Variants in PYGO1 observed in about 807,000 individuals in gnomAD.
The protein encoded by PYGO1 is pygopus homolog 1.
PYGO1 carries 6 observed loss-of-function variants against 29.5 expected under a neutral mutation model. The observed-to-expected ratio is 0.20, with a 90% confidence interval of 0.11 to 0.40. PYGO1 has a LOEUF of 0.40. PYGO1 is among the 10% of genes least tolerant of loss of function. PYGO1 has a pLI of 1.00. For missense variants in PYGO1, 515 were observed against 514.9 expected, an observed-to-expected ratio of 1.00 and a Z score of 0.00; for synonymous variants, 186 against 180.5, an observed-to-expected ratio of 1.03 and a Z score of -0.24.
At chr15:55,552,258 G>C (rs1381535524) in intron 1 of PYGO1, among the ~76,000 whole-genome samples, 1 of 151,152 alleles carries the variant, frequency 6.6e-6, no homozygotes, top group Non-Finnish European at 1.5e-5. Context: ...GGGAGGCTAA[G>C]GCAGGGAGAA....
rs1008630185 is a variant in PYGO1, at chr15:55,571,823, A to G, written c.49+16012T>C. Among the ~76,000 whole-genome samples, 5 of 151,978 alleles carry G rather than the reference A, an allele frequency of 3.3e-5. No individual in the cohort carries two copies. In the South Asian group the frequency reaches 8.3e-4, roughly 25 times the overall value. On this transcript the variant is annotated intron_variant, in intron 1 of 2. Transcript: ENST00000563719. ...CAATTTTTTGAGGAACCATCAAGCT[A>G]TTTTTTCGTAATATGGCCATATTTT...
chr15:55,584,754 TG>T, intron 1 of PYGO1, among the ~76,000 whole-genome samples: 1 of 152,174 alleles, frequency 6.6e-6, no homozygotes, highest in Non-Finnish European at 1.5e-5. Context: ...GGTGAAGGTT[TG>T]GGGGTGGAGT....
intron 1 of PYGO1, among the ~76,000 whole-genome samples, chr15:55,568,318 T>G (rs1418809954): frequency 1.4e-5 from 1 of 69,254 alleles, no homozygotes; most frequent in Non-Finnish European, 2.7e-5. Context: ...ATTTCCTAGG[T>G]ACTGTGTGTG....
In PYGO1 at chr15:55,548,954, G is replaced by C; in HGVS notation, c.91C>G (p.Gln31Glu). The C allele has an allele frequency of 6.2e-7, 1 of 1,611,090 alleles. No individual in the cohort carries two copies. Among genetic ancestry groups the C allele is most frequent in the Non-Finnish European group, 8.5e-7 (1 of 1,178,996 alleles). The change falls in exon 2 of 3, where the codon CAA (glutamine) becomes GAA (glutamate). Residue 31 changes from glutamine (Q) to glutamate (E), a missense_variant. Coordinates refer to ENST00000563719, the MANE Select transcript of PYGO1 (RefSeq NM_001367806.1). ...TTTTTCTTATCTGGGCTTCCTAGTT[G>C]TACACCTGGTCCTCCTAACCCATCC... Reference protein sequence around the residue: ...GLDGLGGPGVQLGSPDKKKRK... With the variant: ...GLDGLGGPGVELGSPDKKKRK...
upstream of PYGO1, among the ~76,000 whole-genome samples, chr15:55,588,537 C>T (rs996449048): frequency 4.8e-5 from 7 of 147,122 alleles, no homozygotes; most frequent in Non-Finnish European, 9.1e-5. Context: ...CTCGGCCCAG[C>T]CCCCACGGCC....
chr15:55,555,154 T>C (rs539322685), intron 1 of PYGO1, among the ~76,000 whole-genome samples: 1 of 151,874 alleles, frequency 6.6e-6, no homozygotes, highest in Non-Finnish European at 1.5e-5. Context: ...AGACTAACAG[T>C]AGACCTCTCA....
chr15:55,565,786 T>C (rs998877882), intron 1 of PYGO1, among the ~76,000 whole-genome samples: 17 of 152,076 alleles, frequency 1.1e-4, no homozygotes, highest in Non-Finnish European at 5.9e-5. Flanking sequence ...CCTTTGCCAT[T>C]TTTTCTTTTC....
intron 1 of PYGO1, among the ~76,000 whole-genome samples, chr15:55,584,201 C>T (rs28510232): frequency 0.045 from 6,715 of 150,180 alleles, 508 homozygotes; most frequent in African/African-American, 0.16. Flanking sequence ...ACTGCAGCCT[C>T]AACCTCCCTG....
intron 1 of PYGO1, among the ~76,000 whole-genome samples, chr15:55,561,627 T>C (rs552679772): frequency 6.6e-6 from 1 of 152,084 alleles, no homozygotes; most frequent in South Asian, 2.1e-4. Context: ...ATACCTGGGG[T>C]TTACAATTCA....
At chr15:55,568,511 T>C (rs1358293590) in intron 1 of PYGO1, among the ~76,000 whole-genome samples, 2 of 152,124 alleles carry the variant, frequency 1.3e-5, no homozygotes, top group East Asian at 3.8e-4. Context: ...GTGGAGTCCT[T>C]AGGGTGTTGT....
At chr15:55,556,744 T>C (rs1029663128) in intron 1 of PYGO1, among the ~76,000 whole-genome samples, 10 of 148,654 alleles carry the variant, frequency 6.7e-5, no homozygotes, top group Non-Finnish European at 1.5e-4. Context: ...TAAAAGAGAC[T>C]GCTAGCTAGA....
intron 1 of PYGO1, among the ~76,000 whole-genome samples, chr15:55,581,002 T>G (rs1396506112): frequency 6.6e-6 from 1 of 152,212 alleles, no homozygotes; most frequent in Admixed American, 6.5e-5. Flanking sequence ...AAGTATAAAA[T>G]AAATAAAAGT....
In PYGO1 at chr15:55,587,913, G is replaced by A. The variant is rs1261901212; in HGVS notation, c.-30C>T. ...GACCGCAAAGCATGACTCCCCCCCA[G>A]GCCGCGGGAATTCGGTCTCTTTGAT... On this transcript the variant is annotated 5_prime_UTR_variant, in exon 1 of 3. Coordinates refer to ENST00000563719, the MANE Select transcript of PYGO1 (RefSeq NM_001367806.1). The A allele has an allele frequency of 1.4e-6, 2 of 1,463,984 alleles. No homozygotes were observed. Among genetic ancestry groups the A allele is most frequent in the African/African-American group, 1.5e-5 (1 of 68,702 alleles). 90.7% of individuals were successfully genotyped at this position (1,463,984 alleles called of 1,614,324 possible). A position where few individuals can be genotyped will look rare whatever the true frequency, so the allele number is the denominator to read the frequency against.
chr15:55,586,691 C>T (rs1318520850), intron 1 of PYGO1, among the ~76,000 whole-genome samples: 1 of 152,196 alleles, frequency 6.6e-6, no homozygotes, highest in Admixed American at 6.5e-5. Context: ...TTTGCTGTTG[C>T]TTTTCAGAGA....
intron 1 of PYGO1, among the ~76,000 whole-genome samples, chr15:55,550,579 AG>A (rs1222268668): frequency 6.6e-6 from 1 of 152,186 alleles, no homozygotes; most frequent in African/African-American, 2.4e-5. Context: ...CCAATCCTCT[AG>A]GTTCTCATAA....
chr15:55,583,214 C>G (rs2059032427), intron 1 of PYGO1, among the ~76,000 whole-genome samples: 7 of 152,162 alleles, frequency 4.6e-5, no homozygotes, highest in Admixed American at 4.6e-4. Context: ...TCTCCAGCTA[C>G]TGGAATGATT....
rs1320513118 is a variant in PYGO1 at position 55,544,538 on chromosome 15, T to G, written c.*1485A>C. On this transcript the variant is annotated 3_prime_UTR_variant, in exon 3 of 3. Coordinates refer to ENST00000563719, the MANE Select transcript of PYGO1 (RefSeq NM_001367806.1). Reference sequence around the variant, plus strand: ...TTGTCTGTGAAAGTGTAGGTTCTTGTGTGTTACCCAAAGGACATTGTTTTT... The same window carrying G: ...TTGTCTGTGAAAGTGTAGGTTCTTGGGTGTTACCCAAAGGACATTGTTTTT... 6.6e-6 allele frequency: 1 copy of G among 152,220 alleles called. No homozygotes were observed. Among genetic ancestry groups the G allele is most frequent in the Non-Finnish European group, 1.5e-5 (1 of 68,034 alleles). 9.4% of individuals were successfully genotyped at this position (152,220 alleles called of 1,614,324 possible).
chr15:55,574,734 C>T (rs578048608), intron 1 of PYGO1, among the ~76,000 whole-genome samples: 1 of 152,074 alleles, frequency 6.6e-6, no homozygotes, highest in East Asian at 1.9e-4. Flanking sequence ...ATAAGGACAG[C>T]TAATGTCATT....
At chr15:55,549,606 C>T (rs1236644074) in intron 1 of PYGO1, among the ~76,000 whole-genome samples, 1 of 152,170 alleles carries the variant, frequency 6.6e-6, no homozygotes, top group Non-Finnish European at 1.5e-5. Context: ...GAGAGATTTA[C>T]AAGTAGCTCC....
Sources: gnomAD v4.1 joint callset for allele counts (sites outside exome capture counted in the v4.1 genomes callset) on GRCh38, gnomAD v4.1.1 for gene constraint, MANE v1.5 for transcripts, NCBI Gene and HGNC (gene_info 2026-07-23, HGNC 2026-07-21) for gene names.